Variants in TGFBR1 observed in about 807,000 individuals in gnomAD.
TGFBR1 encodes the protein transforming growth factor beta receptor 1.
A neutral mutation model predicts 55.1 loss-of-function variants in TGFBR1; 20 were observed. That is an observed-to-expected ratio of 0.36 (90% CI 0.26 to 0.53). TGFBR1 has a LOEUF of 0.53. Ranked by LOEUF, TGFBR1 falls within the 20% of genes least tolerant of loss-of-function variation. The probability of loss-of-function intolerance (pLI) is 0.91; values close to 1 mark genes in which losing one functional copy is unlikely to be tolerated. For missense variants in TGFBR1, 385 were observed against 617.6 expected (o/e 0.62, Z 3.99); for synonymous variants, 220 against 214.8 (o/e 1.02, Z -0.21).
At chr9:99,129,197 C>A in intron 2 of TGFBR1, 97 bp downstream of exon 2, 1 of 1,378,444 alleles carries the variant, frequency 7.3e-7, no homozygotes, top group East Asian at 2.4e-5. Flanking sequence ...TTGTCTAATC[C>A]AGCTCATTCC....
chr9:99,105,225 C>T lies in TGFBR1; in HGVS notation c.20C>T (p.Ala7Val), dbSNP rs863223802. Residue 7 changes from alanine to valine, a missense_variant, in exon 1 of 9, where the codon GCT becomes GTT. Transcript: ENST00000374994. ...GGGACCATGGAGGCGGCGGTCGCTG[C>T]TCCGCGTCCCCGGCTGCTCCTCCTC... The part of the protein sequence containing the change: MEAAVA[A>V]PRPRLLLLVL... 8.4e-6 allele frequency: 9 copies of T among 1,076,616 alleles called. No individual in the cohort carries two copies. Among genetic ancestry groups the T allele is most frequent in the Non-Finnish European group, 9.0e-6 (8 of 892,116 alleles). 66.7% of individuals were successfully genotyped at this position (1,076,616 alleles called of 1,614,324 possible).
At chr9:99,111,395 G>A (rs1399886414) in intron 1 of TGFBR1, among the ~76,000 whole-genome samples, 2 of 146,234 alleles carry the variant, frequency 1.4e-5, no homozygotes, top group Non-Finnish European at 3.0e-5. Flanking sequence ...TTGGGAGGCC[G>A]AAGTGGGCGA....
intron 6 of TGFBR1, 91 bp from the exon 7 acceptor site, chr9:99,146,394 T>C: frequency 7.4e-7 from 1 of 1,356,252 alleles, no homozygotes; most frequent in Non-Finnish European, 1.1e-6. Context: ...TGTACATATG[T>C]CTATGTATAA....
chr9:99,118,831 C>T (rs910567400), intron 1 of TGFBR1, among the ~76,000 whole-genome samples: 4 of 151,828 alleles, frequency 2.6e-5, no homozygotes, highest in Non-Finnish European at 5.9e-5. Context: ...ATTTTGGCAT[C>T]TTTTGTACAA....
chr9:99,119,872 G>C (rs915665731), intron 1 of TGFBR1, among the ~76,000 whole-genome samples: 1 of 152,190 alleles, frequency 6.6e-6, no homozygotes, highest in Non-Finnish European at 1.5e-5. Context: ...ATATGCATAT[G>C]GTTTATATTG....
chr9:99,112,470 A>C (rs1826615581), intron 1 of TGFBR1, among the ~76,000 whole-genome samples: 2 of 152,134 alleles, frequency 1.3e-5, no homozygotes. Flanking sequence ...TACTGTATTT[A>C]TTTACTTATC....
intron 1 of TGFBR1, among the ~76,000 whole-genome samples, chr9:99,114,111 C>T (rs527779003): frequency 2.0e-5 from 3 of 152,148 alleles, no homozygotes; most frequent in Admixed American, 6.5e-5. Context: ...CTGTATTATA[C>T]GAGAAAAGTT....
At chr9:99,123,794 A>C (rs1056398668) in intron 1 of TGFBR1, among the ~76,000 whole-genome samples, 1 of 152,190 alleles carries the variant, frequency 6.6e-6, no homozygotes, top group Non-Finnish European at 1.5e-5. Context: ...ACTTTTGGGA[A>C]GAAGTTTACC....
At chr9:99,141,882 C>T (rs1020815880) in intron 4 of TGFBR1, among the ~76,000 whole-genome samples, 1 of 152,216 alleles carries the variant, frequency 6.6e-6, no homozygotes, top group African/African-American at 2.4e-5. Flanking sequence ...AGTTTAGTCC[C>T]AGCTTTTCCA....
In TGFBR1 at chr9:99,150,459, TTAAA is replaced by T. The variant is rs1827950023; in HGVS notation, c.*1158_*1161del. 9.4e-6 allele frequency: 2 copies of T among 212,660 alleles called. No individual in the cohort carries two copies. The highest frequency in any genetic ancestry group is 7.2e-5 in the East Asian group (1 of 13,946). 13.2% of individuals were successfully genotyped at this position (212,660 alleles called of 1,614,324 possible). ...ATTTAAAATTAGAATATGGTTAATA[TTAAA>T]TAATAGGCCTTTTTCTAGGAAGGCG... On this transcript the variant is annotated 3_prime_UTR_variant, in exon 9 of 9. Coordinates refer to ENST00000374994, the MANE Select transcript of TGFBR1 (RefSeq NM_004612.4).
chr9:99,105,416 C>T, intron 1 of TGFBR1, 114 bp downstream of exon 1: 5 of 880,560 alleles, frequency 5.7e-6, no homozygotes, highest in Non-Finnish European at 6.8e-6. Context: ...CAGGTGGCGG[C>T]GCCGGGGCCC....
In TGFBR1 at chr9:99,152,910, A is replaced by G. The variant is rs1332597168; in HGVS notation, c.*3605A>G. On this transcript the variant is annotated 3_prime_UTR_variant, in exon 9 of 9. Coordinates refer to ENST00000374994, the MANE Select transcript of TGFBR1 (RefSeq NM_004612.4). Reference sequence around the variant, plus strand: ...ATTAAGATGATTGTCAGTACATTAAACTTTTCAATCCCATTATGCAATCTT... The same window carrying G: ...ATTAAGATGATTGTCAGTACATTAAGCTTTTCAATCCCATTATGCAATCTT... 4.3e-6 allele frequency: 1 copy of G among 230,824 alleles called. No homozygotes were observed. The highest frequency in any genetic ancestry group is 2.2e-5 in the African/African-American group (1 of 45,218). The allele number at this position is 230,824 out of a possible 1,614,324, so 14.3% of individuals were successfully genotyped here.
chr9:99,124,527 G>A (rs1030243624), intron 1 of TGFBR1, among the ~76,000 whole-genome samples: 1 of 152,030 alleles, frequency 6.6e-6, no homozygotes, highest in Non-Finnish European at 1.5e-5. Flanking sequence ...AAAAGGTTGG[G>A]GGGGGCAGTA....
rs1456836033 is a variant in TGFBR1, at chr9:99,105,298, G to T, written c.93G>T (p.Ala31=). ...AAAAAALLPG[A]TALQCFCHLC... ...CGGCGGCGGCGCTGCTCCCGGGGGC[G>T]ACGGGTGAGCGGCGGCGCGGCGGGC... The change falls in exon 1 of 9, where the codon GCG becomes GCT. Residue 31 remains alanine (A), a synonymous_variant. Coordinates refer to ENST00000374994, the MANE Select transcript of TGFBR1 (RefSeq NM_004612.4). 2.0e-6 allele frequency: 2 copies of T among 988,824 alleles called. No homozygotes were observed. The highest frequency in any genetic ancestry group is 1.1e-4 in the East Asian group (1 of 9,096). 61.3% of individuals were successfully genotyped at this position (988,824 alleles called of 1,614,324 possible).
In TGFBR1 at chr9:99,152,954, C is replaced by T. The variant is rs1267592159; in HGVS notation, c.*3649C>T. On this transcript the variant is annotated 3_prime_UTR_variant, in exon 9 of 9. Transcript: ENST00000374994. ...CAATCTTGTTTGTAAATGTAAACTT[C>T]TAAAAATATGGTTAATAACATTCAA... 8.7e-6 allele frequency: 2 copies of T among 229,198 alleles called. No individual in the cohort carries two copies. Among genetic ancestry groups the T allele is most frequent in the Non-Finnish European group, 1.7e-5 (2 of 115,328 alleles). The allele number at this position is 229,198 out of a possible 1,614,324, so 14.2% of individuals were successfully genotyped here. A position where few individuals can be genotyped will look rare whatever the true frequency, so the allele number is the denominator to read the frequency against.
intron 1 of TGFBR1, among the ~76,000 whole-genome samples, chr9:99,120,626 A>G (rs933993600): frequency 8.5e-5 from 13 of 152,252 alleles, no homozygotes; most frequent in African/African-American, 3.1e-4. Flanking sequence ...TTATGATTGT[A>G]TAAGGATTCA....
At chr9:99,111,577 C>T (rs948376531) in intron 1 of TGFBR1, among the ~76,000 whole-genome samples, 10 of 151,832 alleles carry the variant, frequency 6.6e-5, no homozygotes, top group African/African-American at 1.9e-4. Flanking sequence ...TGCAGTGAGC[C>T]GAGATTGCGC....
intron 5 of TGFBR1, among the ~76,000 whole-genome samples, chr9:99,143,981 C>T (rs1360595745): frequency 6.6e-6 from 1 of 152,192 alleles, no homozygotes; most frequent in East Asian, 1.9e-4. Context: ...ATGAGTACTT[C>T]AGTCATTTTG....
At chr9:99,138,802 A>G (rs1444887636) in intron 4 of TGFBR1, among the ~76,000 whole-genome samples, 1 of 148,920 alleles carries the variant, frequency 6.7e-6, no homozygotes, top group Non-Finnish European at 1.5e-5. Context: ...CATGATTCCT[A>G]CTTTTTTTTT....
Sources: gnomAD v4.1 joint callset for allele counts (sites outside exome capture counted in the v4.1 genomes callset) on GRCh38, gnomAD v4.1.1 for gene constraint, MANE v1.5 for transcripts, NCBI Gene and HGNC (gene_info 2026-07-23, HGNC 2026-07-21) for gene names.